Variants in ARHGEF37 observed in about 807,000 individuals in gnomAD.
The protein encoded by ARHGEF37 is Rho guanine nucleotide exchange factor 37.
A neutral mutation model predicts 71.1 loss-of-function variants in ARHGEF37; 55 were observed. That is an observed-to-expected ratio of 0.77 (90% CI 0.62 to 0.97). ARHGEF37 has a LOEUF of 0.97. Among genes scored for constraint, ARHGEF37 ranks in the 50% least tolerant of loss-of-function variants. The pLI is 0.00. For missense variants in ARHGEF37, 765 were observed against 836.8 expected (o/e 0.91, Z 1.06); for synonymous variants, 327 against 350.6 (o/e 0.93, Z 0.75).
At chr5:149,591,378 C>T (rs927598223) in intron 1 of ARHGEF37, among the ~76,000 whole-genome samples, 7 of 152,124 alleles carry the variant, frequency 4.6e-5, no homozygotes, top group Non-Finnish European at 8.8e-5. Flanking sequence ...CCACCGTGCT[C>T]GGCCAGCCTT....
chr5:149,587,887 C>T (rs1763283644), intron 1 of ARHGEF37, among the ~76,000 whole-genome samples: 1 of 136,636 alleles, frequency 7.3e-6, no homozygotes, highest in Admixed American at 8.2e-5. Flanking sequence ...TCTTCCCTCC[C>T]TTTAGTCTTT....
In ARHGEF37 at chr5:149,620,398, C is replaced by T. The variant is rs199573763; in HGVS notation, c.939C>T (p.Pro313=). The change falls in exon 8 of 13, where the codon CCC becomes CCT. Residue 313 remains proline (P), a synonymous_variant. Transcript: ENST00000333677. ...FRPHEYNLDI[P]EGPAVQYCNL... ...CGCACGAATACAATCTGGACATCCC[C>T]GAGGGGCCTGCAGTGCAGTATTGCA... The T allele has an allele frequency of 1.4e-4, 226 of 1,612,566 alleles. No individual in the cohort carries two copies. In the African/African-American group the frequency reaches 1.8e-3, roughly 13 times the overall value.
intron 1 of ARHGEF37, among the ~76,000 whole-genome samples, chr5:149,562,122 T>G (rs1373846675): frequency 6.6e-6 from 1 of 152,152 alleles, no homozygotes; most frequent in Non-Finnish European, 1.5e-5. Context: ...GAAAATGAAC[T>G]AACTGCTCCA....
intron 1 of ARHGEF37, among the ~76,000 whole-genome samples, chr5:149,555,056 G>A (rs190200360): frequency 1.1e-4 from 17 of 151,176 alleles, no homozygotes; most frequent in South Asian, 2.1e-4. Context: ...GCTGGAACCC[G>A]AGAGGCGGAA....
intron 4 of ARHGEF37, among the ~76,000 whole-genome samples, chr5:149,611,370 C>T (rs1164166695): frequency 6.6e-6 from 1 of 152,232 alleles, no homozygotes; most frequent in Non-Finnish European, 1.5e-5. Flanking sequence ...GCCAGAGCCT[C>T]TGCTTTTTTA....
chr5:149,589,965 C>T (rs1459677617), intron 1 of ARHGEF37, among the ~76,000 whole-genome samples: 1 of 152,146 alleles, frequency 6.6e-6, no homozygotes, highest in Non-Finnish European at 1.5e-5. Context: ...CTGTGCCCAA[C>T]CTACATCATG....
At chr5:149,623,664 C>T (rs910865917) in intron 9 of ARHGEF37, among the ~76,000 whole-genome samples, 1 of 152,284 alleles carries the variant, frequency 6.6e-6, no homozygotes, top group Admixed American at 6.5e-5. Context: ...TGCCAGCCTG[C>T]CTTATCTGTG....
intron 1 of ARHGEF37, among the ~76,000 whole-genome samples, chr5:149,564,766 G>T (rs1441043591): frequency 6.6e-6 from 1 of 152,178 alleles, no homozygotes; most frequent in African/African-American, 2.4e-5. Context: ...GGAGGTTGCC[G>T]TGAACCGAGA....
chr5:149,586,138 AC>A (rs2113274211), intron 1 of ARHGEF37, among the ~76,000 whole-genome samples: 2 of 152,366 alleles, frequency 1.3e-5, no homozygotes, highest in South Asian at 4.1e-4. Flanking sequence ...GAGTCATACA[AC>A]AAATAGAATA....
intron 12 of ARHGEF37, among the ~76,000 whole-genome samples, chr5:149,631,373 G>T (rs1047666532): frequency 6.6e-6 from 1 of 152,000 alleles, no homozygotes; most frequent in Admixed American, 6.6e-5. Flanking sequence ...GTTTCACCAT[G>T]TTGGCCAGGC....
chr5:149,620,703 C>T lies in ARHGEF37; in HGVS notation c.1005+239C>T, dbSNP rs1244210233. On this transcript the variant is annotated intron_variant, in intron 8 of 12. Transcript: ENST00000333677. ...AAAATTAGCCGGGCATGGCAGTGTGCACCTGTAGTCCCAGCTACTCAGGAG... is the reference window on the plus strand; with the variant it reads ...AAAATTAGCCGGGCATGGCAGTGTGTACCTGTAGTCCCAGCTACTCAGGAG... 3.3e-5 allele frequency among the ~76,000 whole-genome samples: 5 copies of T among 152,130 alleles called. No homozygotes were observed. The East Asian group carries it at 9.7e-4, about 30-fold the overall frequency.
chr5:149,607,150 G>A (rs1281725765), intron 3 of ARHGEF37, among the ~76,000 whole-genome samples: 4 of 152,288 alleles, frequency 2.6e-5, no homozygotes, highest in East Asian at 1.9e-4. Flanking sequence ...TGATCCACCC[G>A]CCTTGGCCTC....
At position 149,623,290 on chromosome 5, in the gene ARHGEF37, C is replaced by T. The variant is rs531367610; in HGVS notation, c.1336-722C>T. Among the ~76,000 whole-genome samples, 32 of 152,320 alleles carry T rather than the reference C, an allele frequency of 2.1e-4. 1 individual carries two copies. The highest frequency in any genetic ancestry group is 7.7e-4 in the African/African-American group (32 of 41,570). On this transcript the variant is annotated intron_variant, in intron 9 of 12. Transcript: ENST00000333677. ...CTTAGTACTTTTCAGAGCCTGCCTT[C>T]TGCTGCAGGAATCCATGAATGTGTT...
chr5:149,569,149 G>A (rs192514818), intron 1 of ARHGEF37, among the ~76,000 whole-genome samples: 73 of 151,944 alleles, frequency 4.8e-4, no homozygotes, highest in Non-Finnish European at 8.4e-4. Context: ...ACTGTAAGTG[G>A]ATATATAGGT....
chr5:149,622,454 C>T (rs1050093879), intron 9 of ARHGEF37, among the ~76,000 whole-genome samples: 3 of 152,198 alleles, frequency 2.0e-5, no homozygotes, highest in Non-Finnish European at 4.4e-5. Flanking sequence ...ATTACTACTT[C>T]CAGCAGCCAT....
At chr5:149,628,726 C>A (rs1752777862) in intron 11 of ARHGEF37, 83 bp from the exon 12 acceptor site, 1 of 1,481,456 alleles carries the variant, frequency 6.8e-7, no homozygotes, top group Non-Finnish European at 9.0e-7. Flanking sequence ...GTGTTGGAAA[C>A]ATTTATATCC....
upstream of ARHGEF37, chr5:149,581,436 C>A (rs1051344693): frequency 6.6e-6 from 1 of 152,118 alleles, no homozygotes; most frequent in Non-Finnish European, 1.5e-5. Flanking sequence ...CCAGCCACCC[C>A]CTCGCGGCGC....
intron 8 of ARHGEF37, among the ~76,000 whole-genome samples, chr5:149,620,902 T>G (rs923699275): frequency 6.6e-6 from 1 of 152,102 alleles, no homozygotes; most frequent in East Asian, 1.9e-4. Context: ...GCATAGAGAT[T>G]ATTATTAGTG....
upstream of ARHGEF37, among the ~76,000 whole-genome samples, chr5:149,578,119 G>A (rs192023278): frequency 1.3e-5 from 2 of 152,162 alleles, no homozygotes; most frequent in African/African-American, 2.4e-5. Flanking sequence ...CTCCCACAGC[G>A]CCTGTCTATA....
Sources: allele counts gnomAD v4.1 joint callset (sites outside exome capture counted in the v4.1 genomes callset), GRCh38; gene constraint gnomAD v4.1.1; transcripts MANE v1.5; gene names NCBI Gene and HGNC (gene_info 2026-07-23, HGNC 2026-07-21).